Variants in HPSE2 observed in about 807,000 individuals in gnomAD.
HPSE2 encodes the protein inactive heparanase-2.
Under a neutral mutation model 60.5 loss-of-function variants are expected in HPSE2, and 38 were observed. The observed-to-expected ratio is 0.63, with a 90% confidence interval of 0.48 to 0.82. The LOEUF (loss-of-function observed/expected upper bound fraction) is 0.82, where lower values mean the gene tolerates loss of function less well. HPSE2 is among the 40% of genes least tolerant of loss of function. The pLI is 0.00. For synonymous variants in HPSE2, 295 were observed against 293.2 expected (o/e 1.01, Z -0.06); for missense variants, 713 against 740.4 (o/e 0.96, Z 0.43).
At chr10:98,574,686 G>A (rs1944594548) in intron 9 of HPSE2, among the ~76,000 whole-genome samples, 2 of 39,880 alleles carry the variant, frequency 5.0e-5, no homozygotes, top group African/African-American at 8.5e-5. Flanking sequence ...TTTGTGCATT[G>A]GCATCGAGAA....
the HPSE2 span, among the ~76,000 whole-genome samples, chr10:99,314,824 T>C: frequency 6.6e-6 from 1 of 152,210 alleles, no homozygotes; most frequent in African/African-American, 2.4e-5. Flanking sequence ...GTCACAAAAT[T>C]TTTTGATCTC....
At chr10:98,952,478 T>A (rs1388461376) in intron 3 of HPSE2, among the ~76,000 whole-genome samples, 1 of 152,122 alleles carries the variant, frequency 6.6e-6, no homozygotes, top group Non-Finnish European at 1.5e-5. Flanking sequence ...GTAAGACTTA[T>A]CAGTCATTCA....
intron 9 of HPSE2, among the ~76,000 whole-genome samples, chr10:98,600,913 A>G (rs1398810917): frequency 0.021 from 629 of 29,568 alleles, 7 homozygotes; most frequent in Non-Finnish European, 0.034. Context: ...GTGTGTGTGT[A>G]TATATATATA....
chr10:98,498,137 G>A (rs184112471), intron 9 of HPSE2, among the ~76,000 whole-genome samples: 67 of 152,308 alleles, frequency 4.4e-4, no homozygotes, highest in African/African-American at 1.5e-3. Flanking sequence ...GACAGACAAA[G>A]CAGCATGCGG....
chr10:99,310,539 T>C, the HPSE2 span, among the ~76,000 whole-genome samples: 1 of 152,218 alleles, frequency 6.6e-6, no homozygotes, highest in African/African-American at 2.4e-5. Context: ...TTTAAAGATA[T>C]TTTTAAAGAA....
intron 9 of HPSE2, among the ~76,000 whole-genome samples, chr10:98,573,030 T>C (rs992044632): frequency 2.0e-5 from 3 of 152,176 alleles, no homozygotes; most frequent in South Asian, 4.1e-4. Flanking sequence ...GATTACAGCA[T>C]GGTGTAGCAG....
intron 3 of HPSE2, among the ~76,000 whole-genome samples, chr10:98,823,721 A>G (rs1024581752): frequency 1.3e-5 from 2 of 152,238 alleles, no homozygotes; most frequent in East Asian, 1.9e-4. Context: ...CCATAAAAAT[A>G]TAGCCTCAAA....
chr10:98,981,906 T>C (rs1249555344), intron 3 of HPSE2, among the ~76,000 whole-genome samples: 3 of 152,100 alleles, frequency 2.0e-5, no homozygotes, highest in Non-Finnish European at 4.4e-5. Flanking sequence ...CCCTAATAAC[T>C]GAGTCTTGGA....
intron 4 of HPSE2, among the ~76,000 whole-genome samples, chr10:98,742,131 G>A (rs889129327): frequency 2.6e-5 from 4 of 152,188 alleles, no homozygotes; most frequent in African/African-American, 9.6e-5. Flanking sequence ...TCTGGAATAC[G>A]AAAAACTTCA....
intron 11 of HPSE2, among the ~76,000 whole-genome samples, chr10:98,481,495 A>G (rs1591244577): frequency 6.6e-6 from 1 of 152,214 alleles, no homozygotes; most frequent in East Asian, 1.9e-4. Context: ...AAAATACTCA[A>G]TAGAGTCCTG....
intron 3 of HPSE2, among the ~76,000 whole-genome samples, chr10:99,000,674 G>A (rs1245433831): frequency 6.6e-6 from 1 of 152,072 alleles, no homozygotes; most frequent in Non-Finnish European, 1.5e-5. Flanking sequence ...AGATTTCTGA[G>A]AGCTAAGGAG....
At chr10:98,505,609 T>C (rs945936089) in intron 9 of HPSE2, among the ~76,000 whole-genome samples, 2 of 152,192 alleles carry the variant, frequency 1.3e-5, no homozygotes, top group Non-Finnish European at 2.9e-5. Context: ...TCCCTATAAC[T>C]AGTTCATAAA....
At chr10:98,678,573 G>A (rs1363830476) in intron 6 of HPSE2, among the ~76,000 whole-genome samples, 2 of 152,142 alleles carry the variant, frequency 1.3e-5, no homozygotes, top group Admixed American at 1.3e-4. Flanking sequence ...TGGCTCCAGG[G>A]CAGTAGTAGT....
chr10:98,487,697 T>C (rs563334476), intron 10 of HPSE2, among the ~76,000 whole-genome samples: 1 of 152,374 alleles, frequency 6.6e-6, no homozygotes, highest in African/African-American at 2.4e-5. Flanking sequence ...ATCCCTGTTT[T>C]GACCTGGGAC....
At chr10:98,533,975 G>A (rs1024561441) in intron 9 of HPSE2, among the ~76,000 whole-genome samples, 7 of 152,166 alleles carry the variant, frequency 4.6e-5, no homozygotes, top group African/African-American at 1.7e-4. Context: ...TCCAACAACT[G>A]TGCTTGTTGT....
At chr10:99,313,829 T>G in the HPSE2 span, among the ~76,000 whole-genome samples, 15 of 151,976 alleles carry the variant, frequency 9.9e-5, no homozygotes, top group East Asian at 2.7e-3. Context: ...CTCGATCTCT[T>G]GACCTCATAA....
intron 3 of HPSE2, among the ~76,000 whole-genome samples, chr10:98,818,444 A>G (rs1233324275): frequency 6.6e-6 from 1 of 152,096 alleles, no homozygotes; most frequent in Non-Finnish European, 1.5e-5. Flanking sequence ...TGCTGATCTG[A>G]TAGAAGGCAG....
the HPSE2 span, among the ~76,000 whole-genome samples, chr10:99,269,223 T>C: frequency 1.3e-5 from 2 of 150,618 alleles, no homozygotes; most frequent in African/African-American, 2.4e-5. Context: ...TAACAACACA[T>C]AGACCCATAT....
chr10:99,240,730 C>G (rs1433300808), upstream of HPSE2, among the ~76,000 whole-genome samples: 1 of 152,072 alleles, frequency 6.6e-6, no homozygotes, highest in East Asian at 1.9e-4. Context: ...TTTCTTTTGA[C>G]TTTTCCTATG....
Sources: allele counts gnomAD v4.1 joint callset (sites outside exome capture counted in the v4.1 genomes callset), GRCh38; gene constraint gnomAD v4.1.1; transcripts MANE v1.5; gene names NCBI Gene and HGNC (gene_info 2026-07-23, HGNC 2026-07-21).